Variants in TET2 observed in about 807,000 individuals in gnomAD.
The protein encoded by TET2 is methylcytosine dioxygenase TET2.
TET2 carries 299 observed loss-of-function variants against 142.9 expected under a neutral mutation model. The observed-to-expected ratio is 2.09, with a 90% CI of 1.90 to 2.30. The LOEUF (loss-of-function observed/expected upper bound fraction) is 2.30. TET2 is among the 30% of genes most tolerant of loss of function. The pLI is 0.00. For synonymous variants in TET2, 819 were observed against 849.0 expected (o/e 0.96, Z 0.61); for missense variants, 2,418 against 2,378.0 (o/e 1.02, Z -0.35).
intron 10 of TET2, 147 bp from the exon 11 acceptor site, chr4:105,274,901 C>A: frequency 2.8e-6 from 3 of 1,074,332 alleles, no homozygotes; most frequent in South Asian, 2.3e-5. Context: ...TGATCAGAAC[C>A]CTGACTTTGC....
chr4:105,240,201 G>GA (rs1168479549), intron 3 of TET2: 2 of 295,472 alleles, frequency 6.8e-6, no homozygotes, highest in Non-Finnish European at 1.2e-5. Flanking sequence ...ACATGCTGTT[G>GA]AAAAAAATGA....
At chr4:105,272,996 C>T in intron 10 of TET2, 78 bp downstream of exon 10, 4 of 1,208,098 alleles carry the variant, frequency 3.3e-6, no homozygotes, top group Non-Finnish European at 4.5e-6. Context: ...GGTTTTGCCC[C>T]CATCAACTTG....
intron 1 of TET2, among the ~76,000 whole-genome samples, chr4:105,184,103 G>A (rs111319406): frequency 8.5e-5 from 13 of 152,238 alleles, no homozygotes; most frequent in African/African-American, 2.2e-4. Context: ...TCAGAATGTC[G>A]TGAAAAGTTT....
chr4:105,209,792 G>C (rs1727053026), intron 2 of TET2, among the ~76,000 whole-genome samples: 1 of 152,136 alleles, frequency 6.6e-6, no homozygotes, highest in African/African-American at 2.4e-5. Context: ...AGGGTGATAA[G>C]TAAGTGTGGA....
intron 2 of TET2, among the ~76,000 whole-genome samples, chr4:105,206,207 G>A (rs1353548276): frequency 6.6e-6 from 1 of 152,230 alleles, no homozygotes; most frequent in East Asian, 1.9e-4. Flanking sequence ...CTGCCCATAA[G>A]CATTCTGTTT....
intron 3 of TET2, chr4:105,241,122 A>G: frequency 5.3e-6 from 6 of 1,135,148 alleles, no homozygotes; most frequent in Non-Finnish European, 6.7e-6. Flanking sequence ...CTGAAATGTA[A>G]TATATTTTTA....
At chr4:105,204,849 C>T (rs1482478120) in intron 2 of TET2, among the ~76,000 whole-genome samples, 2 of 151,970 alleles carry the variant, frequency 1.3e-5, no homozygotes, top group Non-Finnish European at 2.9e-5. Flanking sequence ...TTTAAAATTG[C>T]CTTAGTTTTG....
chr4:105,261,758 G>C lies in TET2; in HGVS notation c.3955-1G>C. ...TATGTAGAATTATTCACTTTATACAGGAAGAGAAACTGGAGTCTCATTTGC... is the reference window on the plus strand; with the variant it reads ...TATGTAGAATTATTCACTTTATACACGAAGAGAAACTGGAGTCTCATTTGC... On this transcript the variant is annotated splice_acceptor_variant, in intron 7 of 10. Coordinates refer to ENST00000380013, the MANE Select transcript of TET2 (RefSeq NM_001127208.3). LOFTEE classifies it high-confidence loss of function. 6.5e-7 allele frequency: 1 copy of C among 1,535,268 alleles called. No individual in the cohort carries two copies. The highest frequency in any genetic ancestry group is 8.8e-7 in the Non-Finnish European group (1 of 1,133,592).
At chr4:105,221,922 T>A (rs1269879739) in intron 2 of TET2, among the ~76,000 whole-genome samples, 5 of 146,672 alleles carry the variant, frequency 3.4e-5, no homozygotes, top group Non-Finnish European at 7.5e-5. Context: ...TGTCCATGTG[T>A]TCTCATTGTT....
intron 1 of TET2, among the ~76,000 whole-genome samples, chr4:105,186,473 C>CTTTTTTTTT (rs1224419124): frequency 2.6e-5 from 3 of 115,106 alleles, no homozygotes; most frequent in African/African-American, 3.4e-5. Flanking sequence ...TTTGCATTTT[C>CTTTTTTTTT]TTTTTTTTTT....
intron 3 of TET2, chr4:105,239,682 G>A (rs949993967): frequency 1.3e-5 from 3 of 234,132 alleles, no homozygotes; most frequent in Non-Finnish European, 2.6e-5. Context: ...CAATAAGGCC[G>A]TTTTGCTTTC....
chr4:105,161,078 A>G (rs1723832484), intron 1 of TET2, among the ~76,000 whole-genome samples: 1 of 152,170 alleles, frequency 6.6e-6, no homozygotes. Context: ...AATACTTGGT[A>G]TAAGAGAACT....
Position 105,259,648 on chromosome 4 carries a change from C to CTT in TET2, c.3833_3834insTT (p.Glu1279Ter). On this transcript the variant is annotated frameshift_variant, in exon 7 of 11. Transcript: ENST00000380013. LOFTEE classifies it high-confidence loss of function. ...ACTTGCGCCTGTCAGGGGCTGGATC[C>CTT]AGAAACCTGTGGTGCCTCCTTCTCT... 1 of 1,550,926 alleles carries CTT rather than the reference C, an allele frequency of 6.4e-7. No individual in the cohort carries two copies.
At position 105,279,175 on chromosome 4, in the gene TET2, T is replaced by C. The variant is rs1305852895; in HGVS notation, c.*2656T>C. 1 of 232,390 alleles carries C rather than the reference T, an allele frequency of 4.3e-6. No individual in the cohort carries two copies. Among genetic ancestry groups the C allele is most frequent in the Non-Finnish European group, 8.5e-6 (1 of 117,606 alleles). 14.4% of individuals were successfully genotyped at this position (232,390 alleles called of 1,614,324 possible). ...TACCATAATATCTAGCCCCAAACAT[T>C]TGATTACTACATGTGCATTGGTGAT... On this transcript the variant is annotated 3_prime_UTR_variant, in exon 11 of 11. Coordinates refer to ENST00000380013, the MANE Select transcript of TET2 (RefSeq NM_001127208.3).
chr4:105,261,522 A>G (rs543495008), intron 7 of TET2, among the ~76,000 whole-genome samples: 37 of 152,276 alleles, frequency 2.4e-4, no homozygotes, highest in African/African-American at 8.7e-4. Context: ...ATAAAATGCA[A>G]AATATCTGCA....
rs1731267156 is a variant in TET2, at chr4:105,277,215, C to T, written c.*696C>T. The stretch of plus-strand genomic sequence containing the variant: ...CCAGTGCCCTTGAATAATAGGGGTA[C>T]CTTTTCATTCAAGTTTTTATCATAA... On this transcript the variant is annotated 3_prime_UTR_variant, in exon 11 of 11. Coordinates refer to ENST00000380013, the MANE Select transcript of TET2 (RefSeq NM_001127208.3). The T allele has an allele frequency of 4.4e-6, 1 of 228,700 alleles. No homozygotes were observed. The highest frequency in any genetic ancestry group is 6.3e-5 in the East Asian group (1 of 15,888). The allele number at this position is 228,700 out of a possible 1,614,324, so 14.2% of individuals were successfully genotyped here.
At chr4:105,174,748 A>G (rs534541712) in intron 1 of TET2, among the ~76,000 whole-genome samples, 1 of 152,320 alleles carries the variant, frequency 6.6e-6, no homozygotes, top group African/African-American at 2.4e-5. Context: ...CACAGTGACT[A>G]CTGGAGAAAA....
In TET2 at chr4:105,250,380, A is replaced by ATTTTTTT. The variant is rs59695275; in HGVS notation, c.3803+6627_3803+6633dup. ...ATCAGCTTCTCCGTTTCCTTTCTGG[A>ATTTTTTT]TTTTTTTTTTTTTTTTTTTTTTTTT... On this transcript the variant is annotated intron_variant, in intron 6 of 10. Transcript: ENST00000380013. Among the ~76,000 whole-genome samples, 226 of 60,316 alleles carry ATTTTTTT rather than the reference A, an allele frequency of 3.7e-3. 26 individuals carry two copies. The highest frequency in any genetic ancestry group is 5.2e-3 in the Non-Finnish European group (185 of 35,776). The allele number at this position is 60,316 out of a possible 152,430, so 39.6% of individuals were successfully genotyped here.
intron 2 of TET2, among the ~76,000 whole-genome samples, chr4:105,192,627 T>A (rs1725849949): frequency 1.3e-5 from 2 of 152,210 alleles, no homozygotes; most frequent in African/African-American, 2.4e-5. Flanking sequence ...CAAAAATATT[T>A]CTTGAGCACC....
Sources: allele counts gnomAD v4.1 joint callset (sites outside exome capture counted in the v4.1 genomes callset), GRCh38; gene constraint gnomAD v4.1.1; transcripts MANE v1.5; gene names NCBI Gene and HGNC (gene_info 2026-07-23, HGNC 2026-07-21).